The following TYW1 variants were observed in gnomAD, a reference collection of about 807,000 sequenced individuals.
The protein encoded by TYW1 is S-adenosyl-L-methionine-dependent tRNA 4-demethylwyosine synthase TYW1.
In TYW1, 46 loss-of-function variants were observed where a neutral mutation model predicts 96.2. That is an observed-to-expected ratio of 0.48 (90% CI 0.38 to 0.61). The LOEUF is 0.61. Among genes scored for constraint, TYW1 ranks in the 20% least tolerant of loss-of-function variants. The pLI is 0.00. For missense variants in TYW1, 684 were observed against 909.6 expected (o/e 0.75, Z 3.19); for synonymous variants, 274 against 323.0 (o/e 0.85, Z 1.63).
At chr7:67,054,643 T>TTG (rs1795454554) in intron 8 of TYW1, among the ~76,000 whole-genome samples, 1 of 152,232 alleles carries the variant, frequency 6.6e-6, no homozygotes, top group African/African-American at 2.4e-5. Context: ...AATATGGTTG[T>TTG]TTAACCAGCC....
At chr7:67,091,920 G>A (rs961441164) in intron 11 of TYW1, among the ~76,000 whole-genome samples, 11 of 152,084 alleles carry the variant, frequency 7.2e-5, no homozygotes, top group Non-Finnish European at 1.3e-4. Context: ...TAGCTTTCTG[G>A]AAAGGATGGC....
chr7:67,040,991 CA>C (rs879939138), intron 7 of TYW1, among the ~76,000 whole-genome samples: 26 of 152,202 alleles, frequency 1.7e-4, no homozygotes, highest in Non-Finnish European at 2.8e-4. Context: ...TTCAGACATC[CA>C]TGTACATTAT....
chr7:67,071,233 G>C (rs899755650), intron 10 of TYW1, among the ~76,000 whole-genome samples: 12 of 151,834 alleles, frequency 7.9e-5, no homozygotes, highest in Non-Finnish European at 1.2e-4. Context: ...GCTTGCTCTG[G>C]GTTTTGTTTG....
intron 15 of TYW1, among the ~76,000 whole-genome samples, chr7:67,230,827 G>A (rs1259618569): frequency 2.6e-5 from 4 of 151,586 alleles, no homozygotes; most frequent in African/African-American, 9.7e-5. Flanking sequence ...TTTAGTAGAG[G>A]CGGGGTTTCA....
chr7:67,072,025 A>C, intron 10 of TYW1, among the ~76,000 whole-genome samples: 3 of 145,222 alleles, frequency 2.1e-5, no homozygotes, highest in Admixed American at 1.4e-4. Flanking sequence ...GAAAGTTTAG[A>C]CTCTTCCTAG....
At chr7:67,207,908 A>G (rs940881560) in intron 15 of TYW1, among the ~76,000 whole-genome samples, 9 of 151,938 alleles carry the variant, frequency 5.9e-5, no homozygotes, top group African/African-American at 2.2e-4. Flanking sequence ...TTTAGTAGAG[A>G]TGGGGTTTTA....
intron 13 of TYW1, among the ~76,000 whole-genome samples, chr7:67,139,708 A>G (rs905005010): frequency 6.7e-6 from 1 of 149,100 alleles, no homozygotes; most frequent in Non-Finnish European, 1.5e-5. Flanking sequence ...CTAACTGCAT[A>G]TTACATACCT....
At chr7:67,164,953 C>T (rs1391201626) in intron 13 of TYW1, among the ~76,000 whole-genome samples, 2 of 151,488 alleles carry the variant, frequency 1.3e-5, no homozygotes, top group East Asian at 3.9e-4. Flanking sequence ...TCATCATGTC[C>T]ATAGGCTACA....
chr7:67,177,261 T>C (rs1799702530), intron 13 of TYW1, among the ~76,000 whole-genome samples: 1 of 151,622 alleles, frequency 6.6e-6, no homozygotes, highest in African/African-American at 2.4e-5. Flanking sequence ...GATAAAACTT[T>C]AGAAAAAAAT....
In TYW1 at chr7:67,205,083, G is replaced by A. The variant is rs529507028; in HGVS notation, c.1977+9746G>A. Among the ~76,000 whole-genome samples the A allele has an allele frequency of 2.0e-3, 300 of 152,090 alleles. 3 individuals carry two copies. Among genetic ancestry groups the A allele is most frequent in the African/African-American group, 6.9e-3 (286 of 41,520 alleles). ...CAGTTGTTTCCCAGACATTTTGGGT[G>A]TTATGTTAGGAGACTCTGGATCTTA... On this transcript the variant is annotated intron_variant, in intron 15 of 15. Transcript: ENST00000359626.
At chr7:67,233,684 G>A (rs191088703) in intron 15 of TYW1, among the ~76,000 whole-genome samples, 1 of 136,166 alleles carries the variant, frequency 7.3e-6, no homozygotes, top group East Asian at 1.9e-4. Context: ...CTCTGTTTAT[G>A]CAGCTGTCTC....
chr7:67,230,652 C>CTTTTTTTTTTTTTTTTTTTT (rs34585182), intron 15 of TYW1, among the ~76,000 whole-genome samples: 1 of 119,548 alleles, frequency 8.4e-6, no homozygotes, highest in African/African-American at 3.4e-5. Flanking sequence ...CTTATTATCT[C>CTTTTTTTTTTTTTTTTTTTT]TTTTTTTTTT....
At chr7:67,229,234 T>G (rs936513540) in intron 15 of TYW1, among the ~76,000 whole-genome samples, 4 of 152,120 alleles carry the variant, frequency 2.6e-5, no homozygotes, top group African/African-American at 9.7e-5. Flanking sequence ...GAAGTTGAAG[T>G]ACCTTAAGAA....
At chr7:67,099,108 C>T (rs1276878624) in intron 12 of TYW1, among the ~76,000 whole-genome samples, 2 of 151,920 alleles carry the variant, frequency 1.3e-5, no homozygotes, top group African/African-American at 4.8e-5. Flanking sequence ...TCACTGCTAC[C>T]TCCGCCTCCC....
chr7:67,063,041 C>T (rs1462705512), intron 9 of TYW1, among the ~76,000 whole-genome samples: 4 of 151,962 alleles, frequency 2.6e-5, no homozygotes, highest in Admixed American at 1.3e-4. Flanking sequence ...ATGTAGAAAT[C>T]CTCAACAAGA....
Position 67,156,784 on chromosome 7 carries a change from T to A in TYW1, c.1699-26342T>A, listed in dbSNP as rs367616881. Among the ~76,000 whole-genome samples the A allele has an allele frequency of 8.8e-3, 1,334 of 151,658 alleles. 31 individuals carry two copies. In the South Asian group the frequency reaches 0.097, roughly 11 times the overall value. On this transcript the variant is annotated intron_variant, in intron 13 of 15. Transcript: ENST00000359626. The stretch of plus-strand genomic sequence containing the variant: ...GCTCAATACGGTGCTGTGATGTAGT[T>A]GCTTGGGGCTCCTGGTGTGAGTGGG...
At chr7:67,210,300 T>C (rs1439132385) in intron 15 of TYW1, among the ~76,000 whole-genome samples, 1 of 152,214 alleles carries the variant, frequency 6.6e-6, no homozygotes, top group Non-Finnish European at 1.5e-5. Flanking sequence ...GGAAGATCAC[T>C]GAGGTGAAGT....
intron 15 of TYW1, among the ~76,000 whole-genome samples, chr7:67,211,718 C>T (rs578000267): frequency 1.6e-4 from 25 of 152,296 alleles, no homozygotes; most frequent in African/African-American, 5.8e-4. Context: ...TGGCTCCCAC[C>T]CTCAGCCATC....
intron 13 of TYW1, among the ~76,000 whole-genome samples, chr7:67,175,985 G>A (rs1799660686): frequency 6.6e-6 from 1 of 152,112 alleles, no homozygotes. Flanking sequence ...GTAAATAAAT[G>A]TGTACATAAA....
Sources: allele counts gnomAD v4.1 joint callset (sites outside exome capture counted in the v4.1 genomes callset), GRCh38; gene constraint gnomAD v4.1.1; transcripts MANE v1.5; gene names NCBI Gene and HGNC (gene_info 2026-07-23, HGNC 2026-07-21).